Variants in TENM3 observed in about 807,000 individuals in gnomAD.
TENM3 encodes the protein teneurin-3.
Under a neutral mutation model 255.1 loss-of-function variants are expected in TENM3, and 63 were observed. The ratio of observed to expected loss-of-function variants is 0.25; its 90% CI spans 0.20 to 0.30. The LOEUF is 0.30. TENM3 is among the 10% of genes least tolerant of loss of function. TENM3 has a pLI of 1.00. For synonymous variants in TENM3, 1,306 were observed against 1,322.3 expected, an observed-to-expected ratio of 0.99 and a Z score of 0.27; for missense variants, 2,929 against 3,461.1, an observed-to-expected ratio of 0.85 and a Z score of 3.86.
intron 1 of TENM3, among the ~76,000 whole-genome samples, chr4:182,266,094 G>A (rs1759226617): frequency 6.6e-6 from 1 of 152,214 alleles, no homozygotes; most frequent in Admixed American, 6.5e-5. Context: ...TGGAGAGTCA[G>A]CTCTTATCTG....
rs368945057 is a variant in TENM3, at chr4:182,539,633, G to T, written c.512-61291G>T. ...AACAAACCATAAGGATCATTCGAAC[G>T]ATATTAAATTTTCGTACAGCATTAA... is the stretch of plus-strand genomic sequence containing the variant. On this transcript the variant is annotated intron_variant, in intron 3 of 27. Coordinates refer to ENST00000511685, the MANE Select transcript of TENM3 (RefSeq NM_001080477.4). Among the ~76,000 whole-genome samples, 36 of 152,312 alleles carry T rather than the reference G, an allele frequency of 2.4e-4. 1 individual carries two copies. The highest frequency in any genetic ancestry group is 8.2e-4 in the African/African-American group (34 of 41,580).
the TENM3 span, among the ~76,000 whole-genome samples, chr4:181,476,093 T>G: frequency 6.6e-6 from 1 of 152,164 alleles, no homozygotes; most frequent in Non-Finnish European, 1.5e-5. Flanking sequence ...CCTCAGAAAT[T>G]AATGGAGCAA....
At chr4:182,443,870 A>G (rs1479358813) in intron 3 of TENM3, among the ~76,000 whole-genome samples, 3 of 152,216 alleles carry the variant, frequency 2.0e-5, no homozygotes, top group Non-Finnish European at 4.4e-5. Context: ...ATATCTAAAG[A>G]AAGAGCCCTA....
At chr4:181,693,321 A>G in the TENM3 span, among the ~76,000 whole-genome samples, 1 of 152,160 alleles carries the variant, frequency 6.6e-6, no homozygotes, top group Admixed American at 6.5e-5. Flanking sequence ...CGTCTTAGAG[A>G]CTTCACAGGC....
intron 3 of TENM3, among the ~76,000 whole-genome samples, chr4:182,402,166 T>C (rs1769253433): frequency 6.6e-6 from 1 of 152,228 alleles, no homozygotes; most frequent in Non-Finnish European, 1.5e-5. Flanking sequence ...GGGATATCTC[T>C]TTCTGAATTC....
At chr4:182,593,341 G>A (rs1340794023) in intron 3 of TENM3, among the ~76,000 whole-genome samples, 1 of 151,760 alleles carries the variant, frequency 6.6e-6, no homozygotes, top group Non-Finnish European at 1.5e-5. Context: ...AACTGTTTCT[G>A]TCTCTCTGTC....
intron 1 of TENM3, among the ~76,000 whole-genome samples, chr4:182,205,060 A>T (rs1754459858): frequency 6.6e-6 from 1 of 152,190 alleles, no homozygotes; most frequent in African/African-American, 2.4e-5. Context: ...AATTTAAAAT[A>T]ACCCCATCTT....
the TENM3 span, among the ~76,000 whole-genome samples, chr4:182,068,839 A>C: frequency 2.0e-5 from 3 of 152,262 alleles, no homozygotes; most frequent in African/African-American, 7.2e-5. Context: ...AAACGCATTA[A>C]TGATCAAGAT....
intron 1 of TENM3, among the ~76,000 whole-genome samples, chr4:182,218,454 C>A (rs1325614673): frequency 6.6e-6 from 1 of 152,166 alleles, no homozygotes; most frequent in Admixed American, 6.5e-5. Flanking sequence ...TATATTATTG[C>A]ATTTAAGCTG....
chr4:181,525,045 A>G, the TENM3 span, among the ~76,000 whole-genome samples: 1 of 152,200 alleles, frequency 6.6e-6, no homozygotes, highest in Non-Finnish European at 1.5e-5. Context: ...CTATTGTTTA[A>G]TGCAGATTTT....
At chr4:181,582,238 C>CT in the TENM3 span, among the ~76,000 whole-genome samples, 1 of 152,076 alleles carries the variant, frequency 6.6e-6, no homozygotes, top group Admixed American at 6.5e-5. Context: ...GGGCCTGTCT[C>CT]TCACATTCAC....
At chr4:182,702,880 G>A (rs1247561137) in intron 12 of TENM3, among the ~76,000 whole-genome samples, 4 of 151,630 alleles carry the variant, frequency 2.6e-5, no homozygotes, top group African/African-American at 7.3e-5. Context: ...GGGACTACAG[G>A]CGCCCACCAC....
the TENM3 span, among the ~76,000 whole-genome samples, chr4:181,778,832 C>A: frequency 6.6e-6 from 1 of 152,180 alleles, no homozygotes; most frequent in East Asian, 1.9e-4. Context: ...ACTGGAATTT[C>A]GCCCTCAGGT....
chr4:182,253,427 C>T (rs973709659), intron 1 of TENM3, among the ~76,000 whole-genome samples: 1 of 152,166 alleles, frequency 6.6e-6, no homozygotes, highest in Non-Finnish European at 1.5e-5. Context: ...GAGCTGAGAT[C>T]GCACCACTGC....
chr4:181,961,902 T>C, the TENM3 span, among the ~76,000 whole-genome samples: 2 of 152,116 alleles, frequency 1.3e-5, no homozygotes, highest in African/African-American at 4.8e-5. Flanking sequence ...AACTACTAAT[T>C]TGTTTTAGAA....
chr4:181,621,678 G>T, the TENM3 span, among the ~76,000 whole-genome samples: 5 of 152,112 alleles, frequency 3.3e-5, no homozygotes, highest in African/African-American at 1.2e-4. Context: ...AATATTCTCA[G>T]AAGTCAGAAT....
chr4:182,338,015 T>C (rs548991874), intron 2 of TENM3, among the ~76,000 whole-genome samples: 1 of 152,246 alleles, frequency 6.6e-6, no homozygotes, highest in South Asian at 2.1e-4. Flanking sequence ...AGTGATCTTA[T>C]CTTGCTTGGG....
At chr4:181,956,114 TCC>T in the TENM3 span, among the ~76,000 whole-genome samples, 1 of 152,112 alleles carries the variant, frequency 6.6e-6, no homozygotes, top group Non-Finnish European at 1.5e-5. Context: ...GTGCCTTCTC[TCC>T]GTGTTCTCAC....
At chr4:182,479,626 C>T (rs1444967635) in intron 3 of TENM3, among the ~76,000 whole-genome samples, 3 of 152,002 alleles carry the variant, frequency 2.0e-5, no homozygotes, top group Non-Finnish European at 1.5e-5. Context: ...TCTTTAGAAA[C>T]TGAAGTAATA....
Sources: allele counts gnomAD v4.1 joint callset (sites outside exome capture counted in the v4.1 genomes callset), GRCh38; gene constraint gnomAD v4.1.1; transcripts MANE v1.5; gene names NCBI Gene and HGNC (gene_info 2026-07-23, HGNC 2026-07-21).